The following EIPR1 variants were observed in gnomAD, a reference collection of about 807,000 sequenced individuals.
The protein encoded by EIPR1 is EARP complex and GARP complex interacting protein 1.
In EIPR1, 25 loss-of-function variants were observed where a neutral mutation model predicts 48.1. The ratio of observed to expected loss-of-function variants is 0.52; its 90% CI spans 0.38 to 0.73. EIPR1 has a LOEUF of 0.73. EIPR1 is among the 30% of genes least tolerant of loss of function. The probability of loss-of-function intolerance (pLI) is 0.00; values close to 1 mark genes in which losing one functional copy is unlikely to be tolerated. For missense variants in EIPR1, 415 were observed against 506.2 expected, an observed-to-expected ratio of 0.82 and a Z score of 1.73; for synonymous variants, 204 against 201.9, an observed-to-expected ratio of 1.01 and a Z score of -0.09.
At chr2:3,371,131 C>T (rs1377455085) in intron 1 of EIPR1, among the ~76,000 whole-genome samples, 1 of 152,102 alleles carries the variant, frequency 6.6e-6, no homozygotes, top group Non-Finnish European at 1.5e-5. Context: ...TCATATCCAG[C>T]CAAATTAAGC....
In EIPR1 at chr2:3,351,205, T is replaced by C. The variant is rs984367546; in HGVS notation, c.126+3345A>G. On this transcript the variant is annotated intron_variant, in intron 2 of 8. Coordinates refer to ENST00000382125, the MANE Select transcript of EIPR1 (RefSeq NM_003310.5). ...TAGTAGAGACAGGGTTTCACCATGT[T>C]GGCCAGGCTGGTCTTGAACTCTTCA... Among the ~76,000 whole-genome samples the C allele has an allele frequency of 9.2e-5, 14 of 152,214 alleles. No individual in the cohort carries two copies. In the East Asian group the frequency reaches 1.2e-3, roughly 13 times the overall value.
intron 3 of EIPR1, 108 bp from the exon 4 acceptor site, chr2:3,257,563 C>T: frequency 7.4e-7 from 1 of 1,350,912 alleles, no homozygotes; most frequent in South Asian, 1.4e-5. Context: ...CGCATCTGCT[C>T]TTTAAAATAT....
rs1276575451 is a variant in EIPR1, at chr2:3,286,590, A to G, written c.260-29135T>C. On this transcript the variant is annotated intron_variant, in intron 3 of 8. Coordinates refer to ENST00000382125, the MANE Select transcript of EIPR1 (RefSeq NM_003310.5). The surrounding 1 kb of genome is among the most constrained non-coding windows in gnomAD (Gnocchi z 4.2). The stretch of plus-strand genomic sequence containing the variant: ...GGAAGCGTTTTCATAAGCACTTGTC[A>G]TATGTCATATGCAGTGTGCTCCAGG... Among the ~76,000 whole-genome samples, 1 of 152,244 alleles carries G rather than the reference A, an allele frequency of 6.6e-6. No individual in the cohort carries two copies. Among genetic ancestry groups the G allele is most frequent in the Non-Finnish European group, 1.5e-5 (1 of 68,044 alleles).
At chr2:3,229,739 C>A (rs759798005) in intron 4 of EIPR1, among the ~76,000 whole-genome samples, 2 of 152,128 alleles carry the variant, frequency 1.3e-5, no homozygotes, top group African/African-American at 2.4e-5. Flanking sequence ...TTGCTTTATG[C>A]GGTGCTTTTC....
intron 4 of EIPR1, among the ~76,000 whole-genome samples, chr2:3,237,270 A>ACC (rs1553285357): frequency 1.9e-3 from 278 of 142,998 alleles, no homozygotes; most frequent in African/African-American, 6.6e-3. Flanking sequence ...ACACACACAC[A>ACC]CCATACATAT....
intron 1 of EIPR1, among the ~76,000 whole-genome samples, chr2:3,356,287 C>T (rs899325561): frequency 6.6e-6 from 1 of 152,206 alleles, no homozygotes; most frequent in African/African-American, 2.4e-5. Flanking sequence ...CAGGGCCCAG[C>T]TGAGAGCTAT....
rs377433557 is a variant in EIPR1 at position 3,225,820 on chromosome 2, G to A, written c.417-11572C>T. 9.5e-4 allele frequency among the ~76,000 whole-genome samples: 144 copies of A among 152,188 alleles called. 1 individual carries two copies. Among genetic ancestry groups the A allele is most frequent in the African/African-American group, 3.3e-3 (138 of 41,518 alleles). ...TTTCCAACCCCTCCCACCAGCCTCT[G>A]GTAACCACCATTGTACTCTTCCTTT... On this transcript the variant is annotated intron_variant, in intron 4 of 8. Transcript: ENST00000382125.
intron 1 of EIPR1, among the ~76,000 whole-genome samples, chr2:3,369,802 G>A (rs1031005109): frequency 1.3e-5 from 2 of 152,196 alleles, no homozygotes; most frequent in Non-Finnish European, 2.9e-5. Context: ...CCACCTCTGG[G>A]GGCAGGGCAC....
At chr2:3,279,506 C>T (rs2255728) in intron 3 of EIPR1, among the ~76,000 whole-genome samples, 87,625 of 151,988 alleles carry the variant, frequency 0.58, 25,665 homozygotes, top group East Asian at 0.75. Flanking sequence ...CAAGGTGTCA[C>T]TTACAATCCC....
At chr2:3,269,644 AATC>A (rs1458031063) in intron 3 of EIPR1, among the ~76,000 whole-genome samples, 6 of 149,198 alleles carry the variant, frequency 4.0e-5, no homozygotes, top group African/African-American at 1.2e-4. Flanking sequence ...CATCACACTC[AATC>A]ATCACACTCA....
At chr2:3,315,172 C>CCACCATCCCCATCCACAG (rs57063505) in intron 3 of EIPR1, among the ~76,000 whole-genome samples, 496 of 2,800 alleles carry the variant, frequency 0.18, 71 homozygotes, top group African/African-American at 0.22. Flanking sequence ...ATCATCACCA[C>CCACCATCCCCATCCACAG]CCCCTACCAC....
Position 3,377,774 on chromosome 2 carries a change from C to A in EIPR1, c.-85G>T. 6.7e-7 allele frequency: 1 copy of A among 1,503,490 alleles called. No individual in the cohort carries two copies. Among genetic ancestry groups the A allele is most frequent in the Non-Finnish European group, 9.0e-7 (1 of 1,109,324 alleles). 93.1% of individuals were successfully genotyped at this position (1,503,490 alleles called of 1,614,324 possible). A position where few individuals can be genotyped will look rare whatever the true frequency, so the allele number is the denominator to read the frequency against. ...CGCGTCCCCACCTCGCGGGCGTGTTCCCAGCGCCCATTCATTCCCTCCCCG... is the reference window on the plus strand; with the variant it reads ...CGCGTCCCCACCTCGCGGGCGTGTTACCAGCGCCCATTCATTCCCTCCCCG... On this transcript the variant is annotated 5_prime_UTR_variant, in exon 1 of 9. It introduces an in-frame stop codon into an upstream open reading frame of the 5' UTR. Transcript: ENST00000382125.
At chr2:3,252,997 T>C (rs1667048363) in intron 4 of EIPR1, among the ~76,000 whole-genome samples, 1 of 152,186 alleles carries the variant, frequency 6.6e-6, no homozygotes, top group Non-Finnish European at 1.5e-5. Flanking sequence ...TGATGGGAAG[T>C]GGGGATCGGA....
chr2:3,348,287 T>C (rs1157801145), intron 2 of EIPR1, among the ~76,000 whole-genome samples: 1 of 152,128 alleles, frequency 6.6e-6, no homozygotes, highest in African/African-American at 2.4e-5. Context: ...AATGCTTCCA[T>C]GTTAGAAGAG....
At chr2:3,339,132 T>C (rs555693208) in intron 2 of EIPR1, among the ~76,000 whole-genome samples, 4 of 152,342 alleles carry the variant, frequency 2.6e-5, no homozygotes, top group African/African-American at 9.6e-5. Context: ...TAGAAGAGAA[T>C]ACACAAAAGA....
intron 3 of EIPR1, among the ~76,000 whole-genome samples, chr2:3,263,090 T>A (rs1667383276): frequency 6.6e-6 from 1 of 152,070 alleles, no homozygotes; most frequent in South Asian, 2.1e-4. Flanking sequence ...GATCAATGAG[T>A]TCGGGAGAGG....
intron 1 of EIPR1, among the ~76,000 whole-genome samples, chr2:3,359,792 G>T (rs1265862243): frequency 6.6e-6 from 1 of 152,184 alleles, no homozygotes; most frequent in African/African-American, 2.4e-5. Flanking sequence ...AATTTTTATA[G>T]TATAATATGT....
chr2:3,245,252 ACCCAGGCTGGAGTGCAGT>A (rs1367874530), intron 4 of EIPR1, among the ~76,000 whole-genome samples: 1 of 152,048 alleles, frequency 6.6e-6, no homozygotes, highest in Non-Finnish European at 1.5e-5. Context: ...TTGCTCTGTC[ACCCAGGCTGGAGTGCAGT>A]GGAGCGATCT....
At chr2:3,261,947 G>C (rs2103227217) in intron 3 of EIPR1, 1 of 152,334 alleles carries the variant, frequency 6.6e-6, no homozygotes, top group African/African-American at 2.4e-5. Context: ...AGTGGGTGTG[G>C]CTTTGCTGAA....
Sources: gnomAD v4.1 joint callset for allele counts (sites outside exome capture counted in the v4.1 genomes callset) on GRCh38, gnomAD v4.1.1 for gene constraint, Gnocchi (gnomAD v3.1) non-coding constraint, MANE v1.5 for transcripts, NCBI Gene and HGNC (gene_info 2026-07-23, HGNC 2026-07-21) for gene names.